The following RAB31 variants were observed in gnomAD, a reference collection of about 807,000 sequenced individuals.
RAB31 encodes ras-related protein Rab-31.
In RAB31, 21 loss-of-function variants were observed where a neutral mutation model predicts 25.6. That is an observed-to-expected ratio of 0.82 (90% confidence interval 0.58 to 1.18). RAB31 has a LOEUF of 1.18. Among genes scored for constraint, RAB31 ranks in the 50% most tolerant of loss-of-function variants. RAB31 has a pLI of 0.00. For missense variants in RAB31, 196 were observed against 250.1 expected, an observed-to-expected ratio of 0.78 and a Z score of 1.46; for synonymous variants, 87 against 84.0, an observed-to-expected ratio of 1.04 and a Z score of -0.20.
At position 9,772,522 on chromosome 18, in the gene RAB31, C is replaced by T. The variant is rs77300476; in HGVS notation, c.40-2756C>T. 2.7e-4 allele frequency among the ~76,000 whole-genome samples: 41 copies of T among 152,244 alleles called. No homozygotes were observed. In the East Asian group the frequency reaches 7.9e-3, roughly 29 times the overall value. On this transcript the variant is annotated intron_variant, in intron 1 of 6. Coordinates refer to ENST00000578921, the MANE Select transcript of RAB31 (RefSeq NM_006868.4). The stretch of plus-strand genomic sequence containing the variant: ...CAGGGAGGGTGGAATGGTATCTCCC[C>T]GCCAATGGGGTCTAGCCTGCTGTTG...
chr18:9,762,888 A>C (rs1176926949), intron 1 of RAB31, among the ~76,000 whole-genome samples: 4 of 152,104 alleles, frequency 2.6e-5, no homozygotes, highest in African/African-American at 9.7e-5. Context: ...TGGCTTTCCT[A>C]GAACTCAGCA....
intron 1 of RAB31, among the ~76,000 whole-genome samples, chr18:9,724,267 T>C (rs1332071937): frequency 9.8e-5 from 6 of 61,044 alleles, no homozygotes; most frequent in Non-Finnish European, 1.5e-4. Context: ...CGAGACTCCG[T>C]CTCAAAAAAA....
chr18:9,840,974 C>T (rs1036651521), intron 5 of RAB31, among the ~76,000 whole-genome samples: 2 of 152,086 alleles, frequency 1.3e-5, no homozygotes, highest in Non-Finnish European at 1.5e-5. Context: ...GTTACCCAAG[C>T]GAGAGTGCAG....
chr18:9,748,098 C>A (rs1185649976), intron 1 of RAB31, among the ~76,000 whole-genome samples: 1 of 152,182 alleles, frequency 6.6e-6, no homozygotes, highest in African/African-American at 2.4e-5. Flanking sequence ...TTACAAGTTA[C>A]TGGTGGCGTA....
chr18:9,739,623 T>C (rs968582530), intron 1 of RAB31, among the ~76,000 whole-genome samples: 2 of 152,178 alleles, frequency 1.3e-5, no homozygotes, highest in Non-Finnish European at 2.9e-5. Flanking sequence ...TTAAGTTTCT[T>C]AGATACACTG....
At chr18:9,807,828 C>A (rs7244072) in intron 3 of RAB31, among the ~76,000 whole-genome samples, 151,779 of 151,910 alleles carry the variant, frequency 1, 75,824 homozygotes, top group Middle Eastern at 1. Context: ...TAAAAAAAAA[C>A]TTAACCGGAT....
intron 3 of RAB31, among the ~76,000 whole-genome samples, chr18:9,796,055 C>T (rs1475183197): frequency 6.6e-6 from 1 of 152,154 alleles, no homozygotes; most frequent in Non-Finnish European, 1.5e-5. Flanking sequence ...GAATACTACT[C>T]AGCCATAAAA....
At chr18:9,741,757 CT>C (rs2068180583) in intron 1 of RAB31, among the ~76,000 whole-genome samples, 1 of 152,224 alleles carries the variant, frequency 6.6e-6, no homozygotes. Context: ...GGGCCGTTGA[CT>C]TTTCACAGGA....
chr18:9,838,638 C>A (rs1188278527), intron 5 of RAB31, among the ~76,000 whole-genome samples: 1 of 152,186 alleles, frequency 6.6e-6, no homozygotes, highest in Non-Finnish European at 1.5e-5. Context: ...AAAACAAGCA[C>A]CCCTATTGGG....
intron 1 of RAB31, among the ~76,000 whole-genome samples, chr18:9,729,488 G>C (rs1026301723): frequency 4.0e-5 from 6 of 151,186 alleles, no homozygotes; most frequent in Non-Finnish European, 7.4e-5. Context: ...GATCACGCCA[G>C]TGCACTCCAG....
chr18:9,724,293 A>C (rs995975336), intron 1 of RAB31, among the ~76,000 whole-genome samples: 3 of 133,344 alleles, frequency 2.2e-5, no homozygotes, highest in African/African-American at 3.4e-5. Flanking sequence ...AAAAACAAAA[A>C]AAAAACATTA....
chr18:9,714,368 C>T (rs2068033552), intron 1 of RAB31, among the ~76,000 whole-genome samples: 1 of 152,200 alleles, frequency 6.6e-6, no homozygotes, highest in Admixed American at 6.5e-5. Flanking sequence ...GCGCAGTTCA[C>T]AACAGGGTTT....
chr18:9,758,001 C>T (rs956109234), intron 1 of RAB31: 2 of 152,266 alleles, frequency 1.3e-5, no homozygotes, highest in African/African-American at 4.8e-5. Flanking sequence ...TACCGTAAAT[C>T]TTGCTGTAAA....
intron 3 of RAB31, among the ~76,000 whole-genome samples, chr18:9,813,051 T>C (rs1018005891): frequency 5.9e-5 from 9 of 152,200 alleles, no homozygotes; most frequent in Non-Finnish European, 1.2e-4. Context: ...TGGACCCTTC[T>C]CCAAAATATA....
intron 6 of RAB31, among the ~76,000 whole-genome samples, chr18:9,848,723 T>C (rs1386883169): frequency 6.6e-6 from 1 of 152,118 alleles, no homozygotes; most frequent in Admixed American, 6.5e-5. Context: ...AAAAATGCAA[T>C]AAAAAGTTAA....
chr18:9,750,618 AAC>A (rs1416728772), intron 1 of RAB31, among the ~76,000 whole-genome samples: 1 of 152,150 alleles, frequency 6.6e-6, no homozygotes, highest in Non-Finnish European at 1.5e-5. Context: ...TGGATAAGAC[AAC>A]AGATTCATGG....
intron 3 of RAB31, among the ~76,000 whole-genome samples, chr18:9,804,329 CT>C (rs1302998419): frequency 6.6e-6 from 1 of 152,162 alleles, no homozygotes; most frequent in Non-Finnish European, 1.5e-5. Context: ...TGACATTTTG[CT>C]GATGTGTGTT....
intron 5 of RAB31, among the ~76,000 whole-genome samples, chr18:9,843,543 CAAA>C (rs11291478): frequency 3.9e-4 from 27 of 68,402 alleles, no homozygotes; most frequent in East Asian, 2.9e-3. Flanking sequence ...AAGACACTGT[CAAA>C]AAAAAAAAAA....
Position 9,817,616 on chromosome 18 carries a change from G to A in RAB31, c.380+2394G>A, listed in dbSNP as rs948407704. ...CCAACATTACTATTAGAATGGGAAG[G>A]CAGGTGGTCTTGAAGAGGGACAGTT... On this transcript the variant is annotated intron_variant, in intron 5 of 6. Transcript: ENST00000578921. Among the ~76,000 whole-genome samples, 17 of 152,318 alleles carry A rather than the reference G, an allele frequency of 1.1e-4. 1 individual carries two copies. Among genetic ancestry groups the A allele is most frequent in the African/African-American group, 3.8e-4 (16 of 41,574 alleles).
Sources: allele counts gnomAD v4.1 joint callset (sites outside exome capture counted in the v4.1 genomes callset), GRCh38; gene constraint gnomAD v4.1.1; transcripts MANE v1.5; gene names NCBI Gene and HGNC (gene_info 2026-07-23, HGNC 2026-07-21).